Variants in ZNF660 observed in about 807,000 individuals in gnomAD.
ZNF660 encodes zinc finger protein 660.
ZNF660 carries 24 observed loss-of-function variants against 23.2 expected under a neutral mutation model. That is an observed-to-expected ratio of 1.04 (90% CI 0.75 to 1.46). The LOEUF (loss-of-function observed/expected upper bound fraction) is 1.46, where lower values mean the gene tolerates loss of function less well. Ranked by LOEUF, ZNF660 falls within the 40% of genes most tolerant of loss-of-function variation. ZNF660 has a pLI of 0.00. For missense variants in ZNF660, 373 were observed against 396.8 expected (o/e 0.94, Z 0.51); for synonymous variants, 117 against 131.4 (o/e 0.89, Z 0.75).
At chr3:44,587,028 ATGG>A (rs747016930) in intron 2 of ZNF660, 24 of 152,168 alleles carry the variant, frequency 1.6e-4, no homozygotes, top group Non-Finnish European at 1.0e-4. Flanking sequence ...GCTTTTTCAC[ATGG>A]TGTTAGCCTT....
intron 2 of ZNF660, among the ~76,000 whole-genome samples, chr3:44,588,556 C>G (rs193221459): frequency 3.3e-5 from 5 of 152,130 alleles, no homozygotes; most frequent in Non-Finnish European, 5.9e-5. Context: ...CTCACTGTCT[C>G]CCAGGCTGGA....
Position 44,594,270 on chromosome 3 carries a change from A to C in ZNF660, c.77A>C (p.Glu26Ala), listed in dbSNP as rs747358253. 3 of 1,614,018 alleles carry C rather than the reference A, an allele frequency of 1.9e-6. No individual in the cohort carries two copies. The Admixed American group carries it at 5.0e-5, about 27-fold the overall frequency. ...GTACTCACAGAAGGGAGTGACCAAG[A>C]ATCTGAAAAAGACAATAGTCAGTGC... ...NKVLTEGSDQ[E>A]SEKDNSQCCD... The change falls in exon 3 of 3, where the codon GAA (glutamate) becomes GCA (alanine). Residue 26 changes from glutamate (E) to alanine (A), a missense_variant. Glu to Ala is a moderately radical substitution (Grantham distance 107, BLOSUM62 -1). Transcript: ENST00000322734.
At chr3:44,587,885 C>G (rs1177888620) in intron 2 of ZNF660, among the ~76,000 whole-genome samples, 1 of 152,132 alleles carries the variant, frequency 6.6e-6, no homozygotes, top group Non-Finnish European at 1.5e-5. Context: ...GAAACCCCAT[C>G]TCTACTAAAA....
In ZNF660 at chr3:44,594,891, T is replaced by C. The variant is rs1049425696; in HGVS notation, c.698T>C (p.Leu233Pro). The C allele has an allele frequency of 5.6e-6, 9 of 1,614,124 alleles. No homozygotes were observed. Among genetic ancestry groups the C allele is most frequent in the Non-Finnish European group, 7.6e-6 (9 of 1,180,038 alleles). Reference sequence around the variant, plus strand: ...AAAACTTTCATCTTAAGGAAAACTCTTAATGAACACCAGAGACTTCATCGT... The same window carrying C: ...AAAACTTTCATCTTAAGGAAAACTCCTAATGAACACCAGAGACTTCATCGT... ...CGKTFILRKT[L>P]NEHQRLHRRE... Residue 233 changes from leucine (L) to proline (P), a missense_variant, in exon 3 of 3, where the codon CTT becomes CCT. Physicochemically the swap from Leu to Pro is moderately conservative, Grantham distance 98. Transcript: ENST00000322734.
chr3:44,590,293 T>G (rs1010683695), intron 2 of ZNF660, among the ~76,000 whole-genome samples: 3 of 152,102 alleles, frequency 2.0e-5, no homozygotes, highest in African/African-American at 7.2e-5. Context: ...CCTAGAAGTG[T>G]GAGATCCATG....
At chr3:44,590,998 CCCG>C (rs1436231406) in intron 2 of ZNF660, among the ~76,000 whole-genome samples, 1 of 152,164 alleles carries the variant, frequency 6.6e-6, no homozygotes, top group Non-Finnish European at 1.5e-5. Context: ...TCAGTGGCCA[CCCG>C]CATTTCTGAG....
chr3:44,590,834 C>A (rs773420777), intron 2 of ZNF660, among the ~76,000 whole-genome samples: 24 of 152,172 alleles, frequency 1.6e-4, no homozygotes, highest in Non-Finnish European at 2.9e-4. Flanking sequence ...ACTGTTTTCT[C>A]CACCTGCTTC....
At position 44,598,460 on chromosome 3, in the gene ZNF660, G is replaced by GTATTTATTTATT; in HGVS notation, c.*3283_*3294dup. 6.6e-6 allele frequency: 1 copy of GTATTTATTTATT among 150,622 alleles called. No homozygotes were observed. Among genetic ancestry groups the GTATTTATTTATT allele is most frequent in the South Asian group, 2.1e-4 (1 of 4,736 alleles). 9.3% of individuals were successfully genotyped at this position (150,622 alleles called of 1,614,324 possible). ...ACTGCACCTGGCTTTATTTATATGT[G>GTATTTATTTATT]TATTTATTTATTTATTTATTTATGA... On this transcript the variant is annotated 3_prime_UTR_variant, in exon 3 of 3. Transcript: ENST00000322734.
intron 2 of ZNF660, among the ~76,000 whole-genome samples, chr3:44,588,157 A>G (rs1700292729): frequency 6.6e-6 from 1 of 152,222 alleles, no homozygotes; most frequent in Non-Finnish European, 1.5e-5. Flanking sequence ...TACAGGAAGC[A>G]CGGTGCCAGC....
intron 2 of ZNF660, among the ~76,000 whole-genome samples, chr3:44,590,372 G>A (rs972276745): frequency 1.3e-5 from 2 of 152,092 alleles, no homozygotes; most frequent in Non-Finnish European, 1.5e-5. Context: ...TTCTTACTAT[G>A]TATTCTCATA....
rs1342067825 is a variant in ZNF660 at position 44,594,184 on chromosome 3, G to A, written c.-10G>A. 1.9e-6 allele frequency: 3 copies of A among 1,612,846 alleles called. No homozygotes were observed. The African/African-American group carries it at 4.0e-5, about 22-fold the overall frequency. Reference sequence around the variant, plus strand: ...TAGAGAGGACACTGGTATGTTCCAAGCAGGAGAAAATGAGGAGAAAGACAA... The same window carrying A: ...TAGAGAGGACACTGGTATGTTCCAAACAGGAGAAAATGAGGAGAAAGACAA... On this transcript the variant is annotated 5_prime_UTR_variant, in exon 3 of 3. Coordinates refer to ENST00000322734, the MANE Select transcript of ZNF660 (RefSeq NM_173658.4).
At chr3:44,590,538 G>C (rs1278869853) in intron 2 of ZNF660, among the ~76,000 whole-genome samples, 1 of 152,122 alleles carries the variant, frequency 6.6e-6, no homozygotes, top group African/African-American at 2.4e-5. Context: ...TCCAAATACA[G>C]TCACATTGGG....
chr3:44,590,580 G>T (rs560054577), intron 2 of ZNF660, among the ~76,000 whole-genome samples: 1 of 152,238 alleles, frequency 6.6e-6, no homozygotes, highest in African/African-American at 2.4e-5. Flanking sequence ...ATGTTAGGGG[G>T]ACACAAACAT....
intron 2 of ZNF660, among the ~76,000 whole-genome samples, chr3:44,591,721 G>A (rs559010087): frequency 3.8e-4 from 58 of 152,334 alleles, no homozygotes; most frequent in Non-Finnish European, 7.6e-4. Context: ...GAGGCTGGGC[G>A]CAGTGGTTCA....
chr3:44,590,604 A>G (rs1700387425), intron 2 of ZNF660, among the ~76,000 whole-genome samples: 1 of 152,208 alleles, frequency 6.6e-6, no homozygotes, highest in Non-Finnish European at 1.5e-5. Context: ...GTCCATGACA[A>G]TGCTTCTTTA....
chr3:44,587,464 T>A (rs1019387292), intron 2 of ZNF660, among the ~76,000 whole-genome samples: 1 of 152,222 alleles, frequency 6.6e-6, no homozygotes, highest in African/African-American at 2.4e-5. Context: ...CCTAGTGTCC[T>A]ACTGGCCTGT....
rs1178017717 is a variant in ZNF660 at position 44,590,467 on chromosome 3, T to C, written c.-180-3547T>C. Among the ~76,000 whole-genome samples, 3 of 152,170 alleles carry C rather than the reference T, an allele frequency of 2.0e-5. No homozygotes were observed. The South Asian group carries it at 6.2e-4, about 32-fold the overall frequency. On this transcript the variant is annotated intron_variant, in intron 2 of 2. Coordinates refer to ENST00000322734, the MANE Select transcript of ZNF660 (RefSeq NM_173658.4). ...CTTTTTATAAGGACATGAATTCTGT[T>C]GGATCAGGGCCCACCCTTATGACCT... is the stretch of plus-strand genomic sequence containing the variant.
In ZNF660 at chr3:44,594,750, G is replaced by A. The variant is rs775394846; in HGVS notation, c.557G>A (p.Gly186Glu). The A allele has an allele frequency of 6.2e-7, 1 of 1,613,746 alleles. No homozygotes were observed. Among genetic ancestry groups the A allele is most frequent in the East Asian group, 2.2e-5 (1 of 44,822 alleles). The stretch of plus-strand genomic sequence containing the variant: ...ACTCAACATCAGCGAATGCACAGAG[G>A]AAAAAAAGTTTACAAATGTAAGGAG... ...NLTQHQRMHRGKKVYKCKECG... is the reference protein window; with the variant it reads ...NLTQHQRMHREKKVYKCKECG... The change falls in exon 3 of 3, where the codon GGA becomes GAA. Residue 186 changes from glycine (G) to glutamate (E), a missense_variant. Coordinates refer to ENST00000322734, the MANE Select transcript of ZNF660 (RefSeq NM_173658.4).
At chr3:44,588,063 A>G (rs898205107) in intron 2 of ZNF660, among the ~76,000 whole-genome samples, 1 of 151,918 alleles carries the variant, frequency 6.6e-6, no homozygotes, top group Non-Finnish European at 1.5e-5. Flanking sequence ...CTCAGAAAAA[A>G]AGAAAGAAAG....
Sources: gnomAD v4.1 joint callset for allele counts (sites outside exome capture counted in the v4.1 genomes callset) on GRCh38, gnomAD v4.1.1 for gene constraint, MANE v1.5 for transcripts, NCBI Gene and HGNC (gene_info 2026-07-23, HGNC 2026-07-21) for gene names.